ERBB3: variants seen among roughly 807,000 people sequenced by gnomAD.
The protein encoded by ERBB3 is receptor tyrosine-protein kinase erbB-3.
ERBB3 carries 96 observed loss-of-function variants against 156.7 expected under a neutral mutation model. That is an observed-to-expected ratio of 0.61 (90% CI 0.52 to 0.73). ERBB3 has a LOEUF of 0.73. Among genes scored for constraint, ERBB3 ranks in the 30% least tolerant of loss-of-function variants. The pLI is 0.00. For synonymous variants in ERBB3, 567 were observed against 632.0 expected (o/e 0.90, Z 1.54); for missense variants, 1,406 against 1,709.4 (o/e 0.82, Z 3.13).
In ERBB3 at chr12:56,098,545, TACAC is replaced by T; in HGVS notation, c.2667_2670del (p.His890ArgfsTer9). 6.2e-7 allele frequency: 1 copy of T among 1,613,912 alleles called. No individual in the cohort carries two copies. Among genetic ancestry groups the T allele is most frequent in the Non-Finnish European group, 8.5e-7 (1 of 1,179,790 alleles). On this transcript the variant is annotated frameshift_variant, in exon 22 of 28. Coordinates refer to ENST00000267101, the MANE Select transcript of ERBB3 (RefSeq NM_001982.4). LOFTEE classifies it high-confidence loss of function. The stretch of plus-strand genomic sequence containing the variant: ...CCTTGAGAGTATCCACTTTGGGAAA[TACAC>T]ACACCAGAGTGATGTCTGGAGCTAT...
At position 56,101,337 on chromosome 12, in the gene ERBB3, G is replaced by A. The variant is rs1277264420; in HGVS notation, c.3478G>A (p.Val1160Ile). The stretch of plus-strand genomic sequence containing the variant: ...AGAGGAAGAGGATGTCAACGGTTAT[G>A]TCATGCCAGATACACACCTCAAAGG... Reference protein sequence around the residue: ...GLEEEDVNGYVMPDTHLKGTP... With the variant: ...GLEEEDVNGYIMPDTHLKGTP... Residue 1160 changes from valine to isoleucine, a missense_variant, in exon 27 of 28, where the codon GTC (valine) becomes ATC (isoleucine). Coordinates refer to ENST00000267101, the MANE Select transcript of ERBB3 (RefSeq NM_001982.4). 2 of 1,614,214 alleles carry A rather than the reference G, an allele frequency of 1.2e-6. No individual in the cohort carries two copies. The highest frequency in any genetic ancestry group is 1.7e-6 in the Non-Finnish European group (2 of 1,180,040).
chr12:56,083,338 G>C, intron 1 of ERBB3: 1 of 333,152 alleles, frequency 3.0e-6, no homozygotes, highest in Non-Finnish European at 5.9e-6. Flanking sequence ...AGGACCTAGA[G>C]AGAGGCAGGA....
intron 23 of ERBB3, among the ~76,000 whole-genome samples, chr12:56,099,173 C>T (rs777640737): frequency 8.5e-5 from 13 of 152,074 alleles, no homozygotes; most frequent in Non-Finnish European, 1.3e-4. Flanking sequence ...CCAGGCTGGT[C>T]TCAAACTCCT....
chr12:56,091,311 A>ATATATAT (rs1430883106), intron 9 of ERBB3, among the ~76,000 whole-genome samples: 15 of 74,992 alleles, frequency 2.0e-4, no homozygotes, highest in East Asian at 2.0e-3. Flanking sequence ...ATATATATAA[A>ATATATAT]TATAAATATA....
Position 56,088,001 on chromosome 12 carries a change from T to G in ERBB3, c.733-20T>G. On this transcript the variant is annotated intron_variant, in intron 6 of 27. Transcript: ENST00000267101. ...GGGTACACACGTAACATAAATCTGA[T>G]GAGCCTCCTTTTTTCCCAGGCCTGC... The G allele has an allele frequency of 6.2e-7, 1 of 1,614,180 alleles. No homozygotes were observed. The highest frequency in any genetic ancestry group is 1.1e-5 in the South Asian group (1 of 91,088).
At chr12:56,091,410 A>ATT (rs200790453) in intron 9 of ERBB3, among the ~76,000 whole-genome samples, 31 of 61,156 alleles carry the variant, frequency 5.1e-4, no homozygotes, top group Non-Finnish European at 8.9e-4. Context: ...ATATATATAT[A>ATT]TTTTTTTTTT....
chr12:56,096,752 T>C lies in ERBB3; in HGVS notation c.2180T>C (p.Val727Ala). Residue 727 changes from valine (V) to alanine (A), a missense_variant, in exon 19 of 28, where the codon GTG becomes GCG. Physicochemically the swap from Val to Ala is moderately conservative, Grantham distance 64 (BLOSUM62 0). Transcript: ENST00000267101. ...SGVFGTVHKG[V>A]WIPEGESIKI... ...CTCCTGCCCCAAACTTCCCAGGGAG[T>C]GTGGATCCCTGAGGGTGAATCAATC... is the stretch of plus-strand genomic sequence containing the variant. 6.2e-7 allele frequency: 1 copy of C among 1,612,580 alleles called. No homozygotes were observed. The highest frequency in any genetic ancestry group is 1.1e-5 in the South Asian group (1 of 91,020).
At chr12:56,094,329 G>A in intron 14 of ERBB3, 73 bp from the exon 15 acceptor site, 1 of 1,565,822 alleles carries the variant, frequency 6.4e-7, no homozygotes, top group South Asian at 1.1e-5. Context: ...TGAATGTCTG[G>A]GTTGGTCTTT....
chr12:56,088,799 A>G lies in ERBB3; in HGVS notation c.1040A>G (p.Asn347Ser), dbSNP rs1232285686. The G allele has an allele frequency of 4.3e-6, 7 of 1,613,998 alleles. No homozygotes were observed. In the South Asian group the frequency reaches 4.4e-5, roughly 10 times the overall value. ...GSRFQTVDSS[N>S]IDGFVNCTKI... ...CGCTTCCAGACTGTGGACTCGAGCA[A>G]CATTGATGGATTTGTGAACTGCACC... The change falls in exon 9 of 28, where the codon AAC becomes AGC. Residue 347 changes from asparagine to serine, a missense_variant. This residue lies in a region of ERBB3 where 979 missense variants were observed against 1,219.6 expected (regional missense o/e 0.80). Transcript: ENST00000267101.
intron 3 of ERBB3, 107 bp downstream of exon 3, chr12:56,085,288 G>A (rs1868440716): frequency 1.9e-6 from 3 of 1,596,498 alleles, no homozygotes; most frequent in Non-Finnish European, 2.6e-6. Context: ...CTTCCAAGGT[G>A]CCTGTCACCT....
Position 56,100,156 on chromosome 12 carries a change from C to G in ERBB3, c.3130-18C>G, listed in dbSNP as rs768347264. 1 of 1,612,100 alleles carries G rather than the reference C, an allele frequency of 6.2e-7. No individual in the cohort carries two copies. Among genetic ancestry groups the G allele is most frequent in the South Asian group, 1.1e-5 (1 of 91,012 alleles). On this transcript the variant is annotated intron_variant, in intron 25 of 27. Transcript: ENST00000267101. ...TTTCTCCCTTCATCTTAACCTTTTC[C>G]TTATTTTTTCATCCTAGAGCCAGAG... is the stretch of plus-strand genomic sequence containing the variant.
Position 56,093,601 on chromosome 12 carries a change from G to A in ERBB3, c.1480+51G>A, listed in dbSNP as rs550963195. 4.8e-5 allele frequency: 76 copies of A among 1,580,838 alleles called. No individual in the cohort carries two copies. The South Asian group carries it at 7.1e-4, about 15-fold the overall frequency. On this transcript the variant is annotated intron_variant, in intron 12 of 27. Transcript: ENST00000267101. ...TGAGAATAGGGAGTCAGGGAGGAGA[G>A]GGCTGAAAGGACTATTCTGCCCTAG...
chr12:56,097,966 G>GC, intron 21 of ERBB3, 26 bp downstream of exon 21: 1 of 1,611,334 alleles, frequency 6.2e-7, no homozygotes, highest in Non-Finnish European at 8.5e-7. Flanking sequence ...GGGTAAGGAG[G>GC]CGGGGGTGGA....
At chr12:56,093,631 G>A in intron 12 of ERBB3, 81 bp downstream of exon 12, 1 of 1,552,406 alleles carries the variant, frequency 6.4e-7, no homozygotes, top group Non-Finnish European at 8.8e-7. Context: ...CCCTAGACGT[G>A]GGAGTAGGGT....
At chr12:56,080,124 C>T (rs1382830502), upstream of ERBB3, 1 of 653,512 alleles carries the variant, frequency 1.5e-6, no homozygotes, top group African/African-American at 1.8e-5. Context: ...ACACACCCCT[C>T]CCCTGCCATC....
chr12:56,098,157 C>A (rs1417883179), intron 21 of ERBB3: 7 of 587,530 alleles, frequency 1.2e-5, no homozygotes, highest in South Asian at 2.0e-5. Context: ...GTAATCCCAA[C>A]ACTTCGGGAG....
intron 26 of ERBB3, among the ~76,000 whole-genome samples, chr12:56,100,677 C>A (rs1427998198): frequency 6.8e-6 from 1 of 146,806 alleles, no homozygotes; most frequent in East Asian, 2.0e-4. Flanking sequence ...TGCGGTGGCT[C>A]ACGCCTGTAA....
In ERBB3 at chr12:56,098,714, T is replaced by A. The variant is rs760776632; in HGVS notation, c.2693-45T>A. 2.5e-6 allele frequency: 4 copies of A among 1,611,422 alleles called. No homozygotes were observed. In the South Asian group the frequency reaches 4.4e-5, roughly 18 times the overall value. ...CTGCCTTCCCTTCACTTCATGCCCA[T>A]GTCTACTATTTTGCCAGTGACTAGT... On this transcript the variant is annotated intron_variant, in intron 22 of 27. Coordinates refer to ENST00000267101, the MANE Select transcript of ERBB3 (RefSeq NM_001982.4).
Position 56,102,931 on chromosome 12 carries a change from G to C in ERBB3, c.*876G>C, listed in dbSNP as rs1869173984. On this transcript the variant is annotated 3_prime_UTR_variant, in exon 28 of 28. Transcript: ENST00000267101. ...CACTTGAGCCCAGAATTAGAGATAA[G>C]CCTATGGAAACATAGCAAGACACTG... 2 of 216,566 alleles carry C rather than the reference G, an allele frequency of 9.2e-6. No individual in the cohort carries two copies. Among genetic ancestry groups the C allele is most frequent in the Non-Finnish European group, 1.8e-5 (2 of 109,142 alleles). The allele number at this position is 216,566 out of a possible 1,614,324, so 13.4% of individuals were successfully genotyped here.
Sources: gnomAD v4.1 joint callset for allele counts (sites outside exome capture counted in the v4.1 genomes callset) on GRCh38, gnomAD v4.1.1 for gene constraint, gnomAD v4.1.1 regional missense constraint, MANE v1.5 for transcripts, NCBI Gene and HGNC (gene_info 2026-07-23, HGNC 2026-07-21) for gene names.